BTBD9: variants seen among roughly 807,000 people sequenced by gnomAD.
BTBD9 encodes the protein BTB domain containing 9.
Under a neutral mutation model 64.3 loss-of-function variants are expected in BTBD9, and 49 were observed. That is an observed-to-expected ratio of 0.76 (90% confidence interval 0.61 to 0.97). BTBD9 has a LOEUF of 0.97. BTBD9 is among the 50% of genes least tolerant of loss of function. The probability of loss-of-function intolerance (pLI) is 0.00; values close to 1 mark genes in which losing one functional copy is unlikely to be tolerated. For synonymous variants in BTBD9, 260 were observed against 274.7 expected, an observed-to-expected ratio of 0.95 and a Z score of 0.53; for missense variants, 598 against 762.1, an observed-to-expected ratio of 0.78 and a Z score of 2.53.
intron 6 of BTBD9, among the ~76,000 whole-genome samples, chr6:38,465,816 C>A (rs1269509942): frequency 1.8e-5 from 2 of 112,232 alleles, no homozygotes; most frequent in Admixed American, 2.1e-4. Context: ...TAATTTTTAT[C>A]TTTTTCTTTC....
At chr6:38,201,020 T>A (rs1345951431) in intron 9 of BTBD9, among the ~76,000 whole-genome samples, 1 of 150,574 alleles carries the variant, frequency 6.6e-6, no homozygotes, top group Non-Finnish European at 1.5e-5. Flanking sequence ...ACCCTGTCTA[T>A]AAAAAAAATA....
chr6:38,614,960 T>C (rs1052763701), intron 1 of BTBD9, among the ~76,000 whole-genome samples: 2 of 152,262 alleles, frequency 1.3e-5, no homozygotes, highest in African/African-American at 4.8e-5. Context: ...TTCAGTGGTA[T>C]TCCACGGCTC....
chr6:38,301,045 A>G (rs1274127524), intron 7 of BTBD9, among the ~76,000 whole-genome samples: 2 of 152,092 alleles, frequency 1.3e-5, no homozygotes, highest in African/African-American at 4.8e-5. Context: ...TCGATACCTA[A>G]TTTATTGAGA....
At chr6:38,405,995 AG>A (rs1767144429) in intron 6 of BTBD9, among the ~76,000 whole-genome samples, 1 of 152,242 alleles carries the variant, frequency 6.6e-6, no homozygotes, top group African/African-American at 2.4e-5. Context: ...AACAGTGGAC[AG>A]GATGTTAATG....
At chr6:38,385,659 G>T (rs1766128536) in intron 6 of BTBD9, among the ~76,000 whole-genome samples, 1 of 152,008 alleles carries the variant, frequency 6.6e-6, no homozygotes, top group Admixed American at 6.5e-5. Flanking sequence ...GGGGAGACAG[G>T]TTAATAGAAC....
At chr6:38,462,326 G>C (rs188755420) in intron 6 of BTBD9, among the ~76,000 whole-genome samples, 255 of 152,110 alleles carry the variant, frequency 1.7e-3, no homozygotes, top group African/African-American at 6.0e-3. Flanking sequence ...AATCCAGTTG[G>C]GGTCAATTTT....
chr6:38,217,363 A>C (rs1763045254), intron 9 of BTBD9, among the ~76,000 whole-genome samples: 1 of 150,690 alleles, frequency 6.6e-6, no homozygotes. Flanking sequence ...CCTACAACAA[A>C]GTGGTCAAAC....
intron 6 of BTBD9, among the ~76,000 whole-genome samples, chr6:38,394,070 C>T (rs1439906449): frequency 6.6e-6 from 1 of 152,080 alleles, no homozygotes; most frequent in Non-Finnish European, 1.5e-5. Flanking sequence ...ATTTTTCCAA[C>T]CAGCAACTAT....
intron 1 of BTBD9, among the ~76,000 whole-genome samples, chr6:38,612,630 T>C (rs371573308): frequency 6.6e-6 from 1 of 152,222 alleles, no homozygotes; most frequent in Non-Finnish European, 1.5e-5. Flanking sequence ...TGGGGTATTA[T>C]GGAAATCCAT....
intron 9 of BTBD9, among the ~76,000 whole-genome samples, chr6:38,216,153 A>G (rs1282570087): frequency 3.9e-5 from 6 of 152,252 alleles, no homozygotes; most frequent in Non-Finnish European, 7.3e-5. Context: ...TCAATTAAGA[A>G]TGCAACTCTG....
At chr6:38,204,034 A>G (rs975374062) in intron 9 of BTBD9, among the ~76,000 whole-genome samples, 5 of 152,114 alleles carry the variant, frequency 3.3e-5, no homozygotes, top group African/African-American at 9.7e-5. Context: ...GTAAAACACT[A>G]TGTATCAATA....
chr6:38,546,278 A>G (rs555936730), intron 6 of BTBD9, among the ~76,000 whole-genome samples: 2 of 152,340 alleles, frequency 1.3e-5, no homozygotes, highest in South Asian at 4.1e-4. Flanking sequence ...CCAACATACC[A>G]AGAATATCAG....
intron 4 of BTBD9, among the ~76,000 whole-genome samples, chr6:38,586,339 G>A (rs1273370719): frequency 6.6e-6 from 1 of 151,310 alleles, no homozygotes; most frequent in Non-Finnish European, 1.5e-5. Context: ...CATTATATAT[G>A]CATAAAACTA....
chr6:38,380,831 C>T (rs534421003), intron 6 of BTBD9, among the ~76,000 whole-genome samples: 11 of 152,072 alleles, frequency 7.2e-5, no homozygotes, highest in South Asian at 2.1e-4. Flanking sequence ...GGCAACAGAG[C>T]GAGACCCTGT....
intron 6 of BTBD9, among the ~76,000 whole-genome samples, chr6:38,504,055 T>G (rs1286183789): frequency 6.6e-6 from 1 of 152,142 alleles, no homozygotes; most frequent in Non-Finnish European, 1.5e-5. Flanking sequence ...CCTCCTCTGT[T>G]CAGCTTAGAT....
chr6:38,570,943 A>G (rs972028201), intron 6 of BTBD9, among the ~76,000 whole-genome samples: 3 of 152,232 alleles, frequency 2.0e-5, no homozygotes, highest in Non-Finnish European at 2.9e-5. Flanking sequence ...GCTTCGAGTA[A>G]AATTGTTATA....
intron 9 of BTBD9, among the ~76,000 whole-genome samples, chr6:38,250,163 T>C (rs1389921844): frequency 6.6e-6 from 1 of 152,174 alleles, no homozygotes; most frequent in Non-Finnish European, 1.5e-5. Context: ...GGAAAGGGGT[T>C]TTTTTAAAAC....
intron 6 of BTBD9, among the ~76,000 whole-genome samples, chr6:38,360,832 C>G (rs1051757015): frequency 2.6e-5 from 4 of 152,098 alleles, no homozygotes; most frequent in African/African-American, 9.7e-5. Context: ...AAGATAACGG[C>G]TAGAGGGAGA....
intron 8 of BTBD9, among the ~76,000 whole-genome samples, chr6:38,277,997 A>G (rs188727835): frequency 9.3e-4 from 142 of 152,346 alleles, no homozygotes; most frequent in Non-Finnish European, 1.5e-3. Flanking sequence ...CGTATGACAT[A>G]GTTCTACCTA....
Sources: gnomAD v4.1 joint callset for allele counts (sites outside exome capture counted in the v4.1 genomes callset) on GRCh38, gnomAD v4.1.1 for gene constraint, MANE v1.5 for transcripts, NCBI Gene and HGNC (gene_info 2026-07-23, HGNC 2026-07-21) for gene names.